Variants in FGF5 observed in about 807,000 individuals in gnomAD.
FGF5 encodes the protein heparin-binding growth factor 5.
In FGF5, 23 loss-of-function variants were observed where a neutral mutation model predicts 21.8. The ratio of observed to expected loss-of-function variants is 1.05; its 90% CI spans 0.76 to 1.49. The LOEUF (loss-of-function observed/expected upper bound fraction) is 1.49. Among genes scored for constraint, FGF5 ranks in the 40% most tolerant of loss-of-function variants. The pLI is 0.00. For synonymous variants in FGF5, 158 were observed against 124.0 expected (o/e 1.27, Z -1.82); for missense variants, 352 against 332.9 (o/e 1.06, Z -0.45).
rs1720741207 is a variant in FGF5, at chr4:80,286,696, A to G, written c.*24A>G. On this transcript the variant is annotated 3_prime_UTR_variant, in exon 3 of 3. Transcript: ENST00000312465. ...AATATTCCTCTTGGCCTTGTGAGAAACCATTCTTTCCCCTCAGGAGTTTCT... is the reference window on the plus strand; with the variant it reads ...AATATTCCTCTTGGCCTTGTGAGAAGCCATTCTTTCCCCTCAGGAGTTTCT... The G allele has an allele frequency of 2.5e-6, 4 of 1,586,094 alleles. No individual in the cohort carries two copies. The highest frequency in any genetic ancestry group is 1.7e-4 in the Middle Eastern group (1 of 5,982).
At chr4:80,269,923 A>G (rs1250268147) in intron 1 of FGF5, among the ~76,000 whole-genome samples, 4 of 152,208 alleles carry the variant, frequency 2.6e-5, no homozygotes, top group African/African-American at 9.6e-5. Context: ...ATTTGCATGT[A>G]ATTTGGGAAT....
intron 2 of FGF5, among the ~76,000 whole-genome samples, chr4:80,277,539 C>G (rs1442903775): frequency 1.3e-5 from 2 of 152,080 alleles, no homozygotes; most frequent in African/African-American, 4.8e-5. Context: ...CAGTTGGTTT[C>G]TTTCCTGTTT....
rs1166650607 is a variant in FGF5, at chr4:80,289,587, T to A, written c.*2915T>A. The A allele has an allele frequency of 6.6e-6, 1 of 152,144 alleles. No individual in the cohort carries two copies. Among genetic ancestry groups the A allele is most frequent in the Admixed American group, 6.5e-5 (1 of 15,280 alleles). 9.4% of individuals were successfully genotyped at this position (152,144 alleles called of 1,614,324 possible). On this transcript the variant is annotated 3_prime_UTR_variant, in exon 3 of 3. Transcript: ENST00000312465. ...TCTCCAGACTAACATGTCAGTTTTA[T>A]CAATTATATTATGTTTAATTATTTA...
chr4:80,273,647 A>C (rs1720331642), intron 1 of FGF5, among the ~76,000 whole-genome samples: 1 of 152,112 alleles, frequency 6.6e-6, no homozygotes, highest in Non-Finnish European at 1.5e-5. Flanking sequence ...TATAGATGGA[A>C]ATATTGAGAT....
intron 2 of FGF5, among the ~76,000 whole-genome samples, chr4:80,280,337 G>T (rs1720518048): frequency 6.6e-6 from 1 of 152,200 alleles, no homozygotes. Flanking sequence ...AGGAAATCTG[G>T]ATGTGATTGC....
At chr4:80,278,355 T>G (rs1299821665) in intron 2 of FGF5, among the ~76,000 whole-genome samples, 1 of 152,160 alleles carries the variant, frequency 6.6e-6, no homozygotes, top group Non-Finnish European at 1.5e-5. Flanking sequence ...TTGATTCATA[T>G]CACCTTTTTT....
At chr4:80,271,379 A>T (rs1319023408) in intron 1 of FGF5, among the ~76,000 whole-genome samples, 2 of 123,384 alleles carry the variant, frequency 1.6e-5, no homozygotes, top group Non-Finnish European at 3.2e-5. Flanking sequence ...CTAGGTGTCA[A>T]TGCTGAAATT....
intron 2 of FGF5, among the ~76,000 whole-genome samples, chr4:80,275,928 C>T (rs1162018700): frequency 6.6e-6 from 1 of 151,902 alleles, no homozygotes; most frequent in Admixed American, 6.6e-5. Flanking sequence ...TGGAATATCA[C>T]TTTTTCAGTT....
intron 1 of FGF5, among the ~76,000 whole-genome samples, chr4:80,274,382 G>A (rs1720353535): frequency 6.6e-6 from 1 of 151,956 alleles, no homozygotes; most frequent in Non-Finnish European, 1.5e-5. Flanking sequence ...GTCACTAAAA[G>A]ACTGAGTATG....
chr4:80,287,673 C>T lies in FGF5; in HGVS notation c.*1001C>T, dbSNP rs924282349. ...AGTGCTTAAAAATACTTCTATGACT[C>T]TCTGCTATCCCACTGTATAGATCCA... On this transcript the variant is annotated 3_prime_UTR_variant, in exon 3 of 3. Transcript: ENST00000312465. 1.3e-5 allele frequency: 2 copies of T among 152,126 alleles called. No homozygotes were observed. Among genetic ancestry groups the T allele is most frequent in the Non-Finnish European group, 2.9e-5 (2 of 68,022 alleles). The allele number at this position is 152,126 out of a possible 1,614,324, so 9.4% of individuals were successfully genotyped here.
chr4:80,280,122 C>G (rs914460306), intron 2 of FGF5, among the ~76,000 whole-genome samples: 1 of 152,222 alleles, frequency 6.6e-6, no homozygotes, highest in Non-Finnish European at 1.5e-5. Flanking sequence ...AAGCACTCCA[C>G]TCTGCCAGTC....
At chr4:80,286,146 G>T (rs1481982495) in intron 2 of FGF5, among the ~76,000 whole-genome samples, 179 bp from the exon 3 acceptor site, 1 of 151,914 alleles carries the variant, frequency 6.6e-6, no homozygotes, top group African/African-American at 2.4e-5. Flanking sequence ...AATATAGAAA[G>T]AAAAATAGTA....
chr4:80,284,025 A>G (rs2109928823), intron 2 of FGF5, among the ~76,000 whole-genome samples: 1 of 152,352 alleles, frequency 6.6e-6, no homozygotes, highest in South Asian at 2.1e-4. Flanking sequence ...AGGAATAGTC[A>G]ATGTGTGGTC....
rs1269783672 is a variant in FGF5 at position 80,278,046 on chromosome 4, C to A, written c.459+3034C>A. On this transcript the variant is annotated intron_variant, in intron 2 of 2. Coordinates refer to ENST00000312465, the MANE Select transcript of FGF5 (RefSeq NM_004464.4). ...TTACACAGTTAACAAGTGATTGAAC[C>A]AGAACTATATCCTCCTAGAATTTTC... Among the ~76,000 whole-genome samples, 3 of 151,962 alleles carry A rather than the reference C, an allele frequency of 2.0e-5. No individual in the cohort carries two copies. The South Asian group carries it at 6.2e-4, about 32-fold the overall frequency.
chr4:80,286,878 A>C lies in FGF5; in HGVS notation c.*206A>C. 1 of 521,814 alleles carries C rather than the reference A, an allele frequency of 1.9e-6. No individual in the cohort carries two copies. Among genetic ancestry groups the C allele is most frequent in the South Asian group, 3.2e-5 (1 of 30,844 alleles). 32.3% of individuals were successfully genotyped at this position (521,814 alleles called of 1,614,324 possible). A position where few individuals can be genotyped will look rare whatever the true frequency, so the allele number is the denominator to read the frequency against. Reference sequence around the variant, plus strand: ...TTCTTTGTACTAATACAGGGAGCACACTCCTTCAGTTCAGCAAGACATAAA... The same window carrying C: ...TTCTTTGTACTAATACAGGGAGCACCCTCCTTCAGTTCAGCAAGACATAAA... On this transcript the variant is annotated 3_prime_UTR_variant, in exon 3 of 3. Transcript: ENST00000312465.
intron 2 of FGF5, among the ~76,000 whole-genome samples, chr4:80,281,997 T>C (rs1720565345): frequency 6.6e-6 from 1 of 152,064 alleles, no homozygotes; most frequent in Non-Finnish European, 1.5e-5. Flanking sequence ...AGTTTTGCTC[T>C]TGTTGCCCAG....
At chr4:80,267,565 C>G (rs35381295) in intron 1 of FGF5, among the ~76,000 whole-genome samples, 47 of 152,294 alleles carry the variant, frequency 3.1e-4, no homozygotes, top group African/African-American at 1.1e-3. Context: ...TTTCATTAGG[C>G]ATCAAAGGCA....
At chr4:80,274,852 C>T in intron 1 of FGF5, 57 bp from the exon 2 acceptor site, 3 of 756,688 alleles carry the variant, frequency 4.0e-6, no homozygotes, top group Non-Finnish European at 6.8e-6. Context: ...AAATTTAATT[C>T]TTCACAATGA....
intron 2 of FGF5, among the ~76,000 whole-genome samples, chr4:80,284,453 AAACAACAACAAC>A (rs34567621): frequency 6.6e-6 from 1 of 151,824 alleles, no homozygotes; most frequent in Non-Finnish European, 1.5e-5. Context: ...AACAATAACA[AAACAACAACAAC>A]AACAACAACA....
Sources: allele counts gnomAD v4.1 joint callset (sites outside exome capture counted in the v4.1 genomes callset), GRCh38; gene constraint gnomAD v4.1.1; transcripts MANE v1.5; gene names NCBI Gene and HGNC (gene_info 2026-07-23, HGNC 2026-07-21).